The following TSC2 variants were observed in gnomAD, a reference collection of about 807,000 sequenced individuals.
The protein encoded by TSC2 is TSC complex subunit 2.
In TSC2, 29 loss-of-function variants were observed where a neutral mutation model predicts 202.2. The ratio of observed to expected loss-of-function variants is 0.14; its 90% confidence interval spans 0.11 to 0.20. The LOEUF (loss-of-function observed/expected upper bound fraction) is 0.20, where lower values mean the gene tolerates loss of function less well. Among genes scored for constraint, TSC2 ranks in the 10% least tolerant of loss-of-function variants. The pLI, the probability that TSC2 is intolerant of heterozygous loss-of-function variation, is 1.00. For missense variants in TSC2, 2,429 were observed against 2,420.0 expected (o/e 1.00, Z -0.08); for synonymous variants, 1,349 against 1,044.0 (o/e 1.29, Z -5.63).
intron 38 of TSC2, chr16:2,087,279 C>T (rs2090936908): frequency 5.7e-6 from 2 of 353,580 alleles, no homozygotes; most frequent in African/African-American, 2.1e-5. Flanking sequence ...CTGGGTCGGC[C>T]AGTGTCACAG....
intron 6 of TSC2, chr16:2,055,906 A>T: frequency 1.9e-6 from 1 of 525,368 alleles, no homozygotes; most frequent in Non-Finnish European, 3.4e-6. Context: ...AAAAAAAAAA[A>T]AAAGAGAAGT....
chr16:2,054,767 G>A (rs971275064), intron 5 of TSC2: 12 of 448,090 alleles, frequency 2.7e-5, no homozygotes, highest in African/African-American at 1.0e-4. Flanking sequence ...CAACCGGAGC[G>A]TACTGGTCCC....
Position 2,084,236 on chromosome 16 carries a change from A to G in TSC2, c.4014A>G (p.Ser1338=), listed in dbSNP as rs1481292684. ...RRTDAYSRSS[S]VSSQEEKSLH... Reference sequence around the variant, plus strand: ...GGGATGGTCCTTTCTAGTCGTCCTCAGTCTCCAGCCAGGAGGAGAAGTCGC... The same window carrying G: ...GGGATGGTCCTTTCTAGTCGTCCTCGGTCTCCAGCCAGGAGGAGAAGTCGC... The change falls in exon 34 of 42, where the codon TCA becomes TCG. Residue 1338 remains serine, a synonymous_variant. Transcript: ENST00000219476. 6.3e-7 allele frequency: 1 copy of G among 1,593,122 alleles called. No individual in the cohort carries two copies. Among genetic ancestry groups the G allele is most frequent in the Non-Finnish European group, 8.6e-7 (1 of 1,169,348 alleles).
Position 2,088,802 on chromosome 16 carries a change from GTAC to G in TSC2, c.*193_*195del. 1 of 758,636 alleles carries G rather than the reference GTAC, an allele frequency of 1.3e-6. No homozygotes were observed. The highest frequency in any genetic ancestry group is 1.8e-5 in the South Asian group (1 of 54,186). 47.0% of individuals were successfully genotyped at this position (758,636 alleles called of 1,614,324 possible). The stretch of plus-strand genomic sequence containing the variant: ...AGAAGCGGCCATGCCCACAGAAGTG[GTAC>G]ACAGAAGCAGGCACAGCCAGCTCCG... On this transcript the variant is annotated 3_prime_UTR_variant, in exon 42 of 42. Coordinates refer to ENST00000219476, the MANE Select transcript of TSC2 (RefSeq NM_000548.5).
chr16:2,078,707 G>T (rs954641259), intron 26 of TSC2: 16 of 413,104 alleles, frequency 3.9e-5, no homozygotes, highest in African/African-American at 2.8e-4. Flanking sequence ...TGTGGCCTCC[G>T]CCTCTCTGCA....
At chr16:2,080,685 T>G (rs9936277) in intron 30 of TSC2, 1 of 373,756 alleles carries the variant, frequency 2.7e-6, no homozygotes, top group East Asian at 5.7e-5. Context: ...GGGGTTTCAC[T>G]GTGTTAGCCA....
Position 2,053,404 on chromosome 16 carries a change from G to C in TSC2, c.288G>C (p.Glu96Asp). 6.3e-7 allele frequency: 1 copy of C among 1,590,052 alleles called. No homozygotes were observed. Among genetic ancestry groups the C allele is most frequent in the African/African-American group, 1.3e-5 (1 of 74,624 alleles). Residue 96 changes from glutamate (E) to aspartate (D), a missense_variant, in exon 4 of 42, where the codon GAG (glutamate) becomes GAC (aspartate). Physicochemically the swap from Glu to Asp is conservative, Grantham distance 45 (BLOSUM62 2). Coordinates refer to ENST00000219476, the MANE Select transcript of TSC2 (RefSeq NM_000548.5). ...ADLLQPERPL[E>D]ARHAVLALLK... Reference sequence around the variant, plus strand: ...TGTTGCAGCCGGAGCGGCCGCTGGAGGCCCGGCACGCGGTGCTGGCTCTGC... The same window carrying C: ...TGTTGCAGCCGGAGCGGCCGCTGGACGCCCGGCACGCGGTGCTGGCTCTGC...
intron 16 of TSC2, among the ~76,000 whole-genome samples, chr16:2,067,030 A>G (rs1302484398): frequency 1.3e-5 from 2 of 152,116 alleles, no homozygotes; most frequent in Non-Finnish European, 2.9e-5. Flanking sequence ...CGTGTAAAAT[A>G]TAATGTATGA....
intron 30 of TSC2, chr16:2,080,707 A>G (rs1052907366): frequency 4.1e-5 from 13 of 320,084 alleles, no homozygotes; most frequent in African/African-American, 8.7e-5. Flanking sequence ...GATGGTCTCA[A>G]TCTCCTGACC....
intron 7 of TSC2, 145 bp downstream of exon 7, chr16:2,056,389 A>G (rs1011471170): frequency 6.2e-5 from 78 of 1,257,688 alleles, no homozygotes; most frequent in Non-Finnish European, 8.8e-5. Flanking sequence ...GGAGTCCCCC[A>G]TGTAAGTCAG....
chr16:2,061,810 C>G (rs921350770), intron 11 of TSC2, 61 bp from the exon 12 acceptor site: 8 of 1,613,156 alleles, frequency 5.0e-6, no homozygotes, highest in African/African-American at 1.3e-5. Flanking sequence ...AGCGAGGCCT[C>G]TGGTGCCAAG....
chr16:2,050,598 CTTTTTTTTTTT>C (rs554452830), intron 3 of TSC2, 112 bp downstream of exon 3: 2 of 477,178 alleles, frequency 4.2e-6, no homozygotes, highest in African/African-American at 5.0e-5. Context: ...CTGGTTTGCA[CTTTTTTTTTTT>C]TTTTTTTTTT....
intron 16 of TSC2, 128 bp downstream of exon 16, chr16:2,065,763 G>A (rs568516137): frequency 1.5e-4 from 124 of 835,850 alleles, no homozygotes; most frequent in Non-Finnish European, 1.7e-4. Context: ...CTGAGGGTGC[G>A]GTGGTCTCAG....
chr16:2,073,648 G>A (rs2151336856), intron 21 of TSC2, among the ~76,000 whole-genome samples: 1 of 152,348 alleles, frequency 6.6e-6, no homozygotes, highest in South Asian at 2.1e-4. Flanking sequence ...CAGCCCCTCT[G>A]AGAGGCTCAC....
intron 24 of TSC2, 36 bp from the exon 25 acceptor site, chr16:2,076,455 C>T (rs1351420102): frequency 1.2e-6 from 2 of 1,611,318 alleles, no homozygotes; most frequent in Non-Finnish European, 1.7e-6. Flanking sequence ...GCCCCCATTG[C>T]CACCCCTCAC....
At chr16:2,051,504 C>T (rs529496021) in intron 3 of TSC2, among the ~76,000 whole-genome samples, 48 of 152,200 alleles carry the variant, frequency 3.2e-4, no homozygotes, top group Admixed American at 1.8e-3. Context: ...GGCGACCTCA[C>T]GGACATAGAA....
rs369851248 is a variant in TSC2, at chr16:2,072,354, C to G, written c.2211C>G (p.Leu737=). 2 of 1,614,112 alleles carry G rather than the reference C, an allele frequency of 1.2e-6. No individual in the cohort carries two copies. The highest frequency in any genetic ancestry group is 2.2e-5 in the East Asian group (1 of 44,874). ...GTGTGGACCAGCTGTGCTCTGCTCT[C>G]TGCTCCATGGTACCATGGCCGGCCT... The part of the protein sequence containing the change: ...PCSVDQLCSA[L]CSMLSGPKTL... Residue 737 remains leucine (L), a synonymous_variant, in exon 20 of 42, where the codon CTC becomes CTG. Coordinates refer to ENST00000219476, the MANE Select transcript of TSC2 (RefSeq NM_000548.5).
At chr16:2,085,436 C>T in intron 36 of TSC2, 114 bp downstream of exon 36, 1 of 1,142,812 alleles carries the variant, frequency 8.8e-7, no homozygotes, top group African/African-American at 1.5e-5. Context: ...TGCCGGGTCC[C>T]CTACAGCATG....
At chr16:2,087,134 G>GT (rs2090914506) in intron 38 of TSC2, 1 of 555,544 alleles carries the variant, frequency 1.8e-6, no homozygotes, top group Non-Finnish European at 3.2e-6. Context: ...GCACAGTGTA[G>GT]TTGGTGCTTC....
Sources: allele counts gnomAD v4.1 joint callset (sites outside exome capture counted in the v4.1 genomes callset), GRCh38; gene constraint gnomAD v4.1.1; transcripts MANE v1.5; gene names NCBI Gene and HGNC (gene_info 2026-07-23, HGNC 2026-07-21).